The following RNF207 variants were observed in gnomAD, a reference collection of about 807,000 sequenced individuals.
RNF207 encodes the protein ring finger protein 207, also known as OTTHUMG00000001089.
In RNF207, 72 loss-of-function variants were observed where a neutral mutation model predicts 79.0. The ratio of observed to expected loss-of-function variants is 0.91; its 90% CI spans 0.75 to 1.11. RNF207 has a LOEUF of 1.11. RNF207 is among the 50% of genes least tolerant of loss of function. RNF207 has a pLI of 0.00. For synonymous variants in RNF207, 348 were observed against 366.2 expected (o/e 0.95, Z 0.57); for missense variants, 936 against 855.8 (o/e 1.09, Z -1.17).
intron 10 of RNF207, 107 bp downstream of exon 10, chr1:6,210,545 C>G: frequency 1.2e-6 from 1 of 854,726 alleles, no homozygotes; most frequent in Non-Finnish European, 1.8e-6. Context: ...GAGCCTGGAC[C>G]AGGGATCTCG....
intron 16 of RNF207, among the ~76,000 whole-genome samples, chr1:6,218,039 C>A (rs772840710): frequency 4.6e-5 from 7 of 152,272 alleles, no homozygotes; most frequent in Non-Finnish European, 1.0e-4. Flanking sequence ...ACACACCCTT[C>A]CCTCCCTCAG....
At position 6,211,033 on chromosome 1, in the gene RNF207, C is replaced by T; in HGVS notation, c.1024C>T (p.His342Tyr). Residue 342 changes from histidine (H) to tyrosine (Y), a missense_variant, in exon 12 of 18, where the codon CAC (histidine) becomes TAC (tyrosine). Physicochemically the swap from His to Tyr is moderately conservative, Grantham distance 83. Coordinates refer to ENST00000377939, the MANE Select transcript of RNF207 (RefSeq NM_207396.3). This position sits in a 1 kb window ranked among gnomAD's most constrained non-coding sequence, Gnocchi z 4.2. ...TCCCGCTGCCCAGATTGCCAGTGAC[C>T]ACCGAGCTGAATTCGCGCGCTGTCT... ...PIQSSKIASD[H>Y]RAEFARCLEP... is the part of the protein sequence containing the mutation. 6.2e-7 allele frequency: 1 copy of T among 1,609,560 alleles called. No individual in the cohort carries two copies. The highest frequency in any genetic ancestry group is 8.5e-7 in the Non-Finnish European group (1 of 1,178,910).
chr1:6,211,127 C>G lies in RNF207; in HGVS notation c.1109+9C>G. On this transcript the variant is annotated intron_variant, in intron 12 of 17. Coordinates refer to ENST00000377939, the MANE Select transcript of RNF207 (RefSeq NM_207396.3). The surrounding 1 kb of genome is among the most constrained non-coding windows in gnomAD (Gnocchi z 4.2). Reference sequence around the variant, plus strand: ...GCAAGTGGTGCTAACACGTGAGCAGCAACCGGGGAGGCCAGGCACAAGGTC... The same window carrying G: ...GCAAGTGGTGCTAACACGTGAGCAGGAACCGGGGAGGCCAGGCACAAGGTC... 1.3e-6 allele frequency: 2 copies of G among 1,567,088 alleles called. No individual in the cohort carries two copies. The highest frequency in any genetic ancestry group is 1.7e-6 in the Non-Finnish European group (2 of 1,160,034).
At chr1:6,210,480 G>A (rs759765809) in intron 10 of RNF207, 42 bp downstream of exon 10, 2 of 1,528,236 alleles carry the variant, frequency 1.3e-6, no homozygotes, top group Non-Finnish European at 1.8e-6. Context: ...TCCCCACCAG[G>A]AGCCCACCCT....
chr1:6,214,506 G>GCC (rs1668291265), intron 16 of RNF207, among the ~76,000 whole-genome samples: 1 of 151,382 alleles, frequency 6.6e-6, no homozygotes, highest in Non-Finnish European at 1.5e-5. Flanking sequence ...GGGTTCAACT[G>GCC]ATTCTCCTGC....
chr1:6,210,957 G>A lies in RNF207; in HGVS notation c.1011+19G>A, dbSNP rs948336216. On this transcript the variant is annotated intron_variant, in intron 11 of 17. Coordinates refer to ENST00000377939, the MANE Select transcript of RNF207 (RefSeq NM_207396.3). The stretch of plus-strand genomic sequence containing the variant: ...CAGCAAGGTGTGCAGTGGCCTGGGT[G>A]GGCCAGGGTCGGGGGCCCTGCAGGG... The A allele has an allele frequency of 1.9e-6, 3 of 1,601,126 alleles. No homozygotes were observed. The highest frequency in any genetic ancestry group is 2.7e-5 in the African/African-American group (2 of 74,922).
chr1:6,212,077 A>T lies in RNF207; in HGVS notation c.1296+24A>T, dbSNP rs709208. The T allele has an allele frequency of 8.5e-4, 1,252 of 1,470,010 alleles. 2 individuals carry two copies. The highest frequency in any genetic ancestry group is 1.0e-3 in the Non-Finnish European group (1,144 of 1,092,608). 91.1% of individuals were successfully genotyped at this position (1,470,010 alleles called of 1,614,324 possible). Reference sequence around the variant, plus strand: ...GGGTGAGGGGGCAGGGATCTGCCGGAGGGGGGAGATGTCCTAACCCACTCC... The same window carrying T: ...GGGTGAGGGGGCAGGGATCTGCCGGTGGGGGGAGATGTCCTAACCCACTCC... On this transcript the variant is annotated intron_variant, in intron 13 of 17. Transcript: ENST00000377939.
chr1:6,219,303 C>T lies in RNF207; in HGVS notation c.1801C>T (p.Pro601Ser), dbSNP rs748615512. The change falls in exon 18 of 18, where the codon CCG becomes TCG. Residue 601 changes from proline to serine, a missense_variant. Pro to Ser is a moderately conservative substitution (Grantham distance 74). Coordinates refer to ENST00000377939, the MANE Select transcript of RNF207 (RefSeq NM_207396.3). Reference protein sequence around the residue: ...TSEPKGNSWAPNGLSEEPLLK... With the variant: ...TSEPKGNSWASNGLSEEPLLK... ...AGAGCCTAAAGGAAACAGCTGGGCT[C>T]CGAACGGCCTCTCAGAAGAGCCTCT... 1 of 1,613,684 alleles carries T rather than the reference C, an allele frequency of 6.2e-7. No individual in the cohort carries two copies. The highest frequency in any genetic ancestry group is 8.5e-7 in the Non-Finnish European group (1 of 1,179,810).
Position 6,219,276 on chromosome 1 carries a change from T to C in RNF207, c.1774T>C (p.Ser592Pro), listed in dbSNP as rs1668468012. The change falls in exon 18 of 18, where the codon TCA becomes CCA. Residue 592 changes from serine to proline, a missense_variant. Coordinates refer to ENST00000377939, the MANE Select transcript of RNF207 (RefSeq NM_207396.3). ...TGTCCCGGAAAAGAGAGAGAAGACA[T>C]CAGAGCCTAAAGGAAACAGCTGGGC... ...GSVPEKREKT[S>P]EPKGNSWAPN... 6.2e-7 allele frequency: 1 copy of C among 1,613,136 alleles called. No homozygotes were observed. The highest frequency in any genetic ancestry group is 1.3e-5 in the African/African-American group (1 of 74,808).
In RNF207 at chr1:6,210,347, C is replaced by T. The variant is rs1454280178; in HGVS notation, c.874-23C>T. On this transcript the variant is annotated intron_variant, in intron 9 of 17. Transcript: ENST00000377939. ...GTCCCTCCTCCTCCCCGGCCAGGCA[C>T]TGAGCAGCATCCCCTCCCCCAGGTC... The T allele has an allele frequency of 1.9e-6, 3 of 1,613,296 alleles. No homozygotes were observed. In the South Asian group the frequency reaches 3.3e-5, roughly 18 times the overall value.
intron 16 of RNF207, 58 bp downstream of exon 16, chr1:6,213,241 CTGGGTGCGG>C: frequency 1.7e-6 from 2 of 1,170,264 alleles, no homozygotes; most frequent in Non-Finnish European, 2.5e-6. Context: ...TGCATGGGGG[CTGGGTGCGG>C]TGGCTCACGC....
chr1:6,218,909 G>A (rs1423752921), intron 17 of RNF207, among the ~76,000 whole-genome samples: 3 of 152,186 alleles, frequency 2.0e-5, no homozygotes, highest in Non-Finnish European at 2.9e-5. Context: ...GAGTCACAGC[G>A]CGGCTGGTGA....
Position 6,219,437 on chromosome 1 carries a change from C to T in RNF207, c.*30C>T. The T allele has an allele frequency of 6.5e-7, 1 of 1,539,210 alleles. No homozygotes were observed. Among genetic ancestry groups the T allele is most frequent in the Non-Finnish European group, 8.8e-7 (1 of 1,132,256 alleles). ...TGGGACCGGTCCCCAGGGTCAGGCT[C>T]TTAGAGCAGGCACAAGACTGGGACA... On this transcript the variant is annotated 3_prime_UTR_variant, in exon 18 of 18. Coordinates refer to ENST00000377939, the MANE Select transcript of RNF207 (RefSeq NM_207396.3).
At chr1:6,208,093 T>G (rs1351477485) in intron 3 of RNF207, 2 of 230,284 alleles carry the variant, frequency 8.7e-6, no homozygotes, top group African/African-American at 4.4e-5. Flanking sequence ...GGGCCTGTTA[T>G]GTCCATCATT....
intron 16 of RNF207, among the ~76,000 whole-genome samples, chr1:6,216,863 G>A (rs1668379720): frequency 6.6e-6 from 1 of 151,574 alleles, no homozygotes; most frequent in Admixed American, 6.6e-5. Context: ...CCACTGCGCC[G>A]GGCTTTTTTT....
chr1:6,211,270 G>A lies in RNF207; in HGVS notation c.1109+152G>A. The A allele has an allele frequency of 1.6e-6, 1 of 620,328 alleles. No homozygotes were observed. The highest frequency in any genetic ancestry group is 2.8e-6 in the Non-Finnish European group (1 of 351,976). 38.4% of individuals were successfully genotyped at this position (620,328 alleles called of 1,614,324 possible). On this transcript the variant is annotated intron_variant, in intron 12 of 17. Transcript: ENST00000377939. The surrounding 1 kb of genome is among the most constrained non-coding windows in gnomAD (Gnocchi z 4.2). ...CGCCACCCTCCCAGCAGGGTGTCTG[G>A]GCACAGGGGATGGCCAGGGCGAGTC...
At chr1:6,209,613 G>A in intron 7 of RNF207, 74 bp downstream of exon 7, 1 of 1,394,472 alleles carries the variant, frequency 7.2e-7, no homozygotes, top group African/African-American at 1.5e-5. Context: ...TTGCCCTTGT[G>A]GATTTCCAGT....
At chr1:6,213,692 G>A (rs899361494) in intron 16 of RNF207, among the ~76,000 whole-genome samples, 3 of 152,204 alleles carry the variant, frequency 2.0e-5, no homozygotes, top group Non-Finnish European at 4.4e-5. Context: ...CAAAGCAGAA[G>A]GCACTTTCTA....
At chr1:6,212,903 G>T (rs1229469940) in intron 15 of RNF207, 163 bp from the exon 16 acceptor site, 2 of 770,902 alleles carry the variant, frequency 2.6e-6, no homozygotes, top group Non-Finnish European at 4.5e-6. Flanking sequence ...ATGCATGTGA[G>T]GTCAGGATTC....
Sources: allele counts gnomAD v4.1 joint callset (sites outside exome capture counted in the v4.1 genomes callset), GRCh38; gene constraint gnomAD v4.1.1; non-coding constraint Gnocchi (gnomAD v3.1); transcripts MANE v1.5; gene names NCBI Gene and HGNC (gene_info 2026-07-23, HGNC 2026-07-21).